The following LPP variants were observed in gnomAD, a reference collection of about 807,000 sequenced individuals.
LPP encodes LIM domain containing preferred translocation partner in lipoma.
LPP carries 38 observed loss-of-function variants against 60.4 expected under a neutral mutation model. The ratio of observed to expected loss-of-function variants is 0.63; its 90% confidence interval spans 0.49 to 0.83. The LOEUF (loss-of-function observed/expected upper bound fraction) is 0.83. Ranked by LOEUF, LPP falls within the 40% of genes least tolerant of loss-of-function variation. LPP has a pLI of 0.00. For missense variants in LPP, 902 were observed against 783.6 expected (o/e 1.15, Z -1.80); for synonymous variants, 328 against 290.8 (o/e 1.13, Z -1.30).
chr3:188,348,834 T>C (rs1447250804), intron 3 of LPP, among the ~76,000 whole-genome samples: 1 of 151,920 alleles, frequency 6.6e-6, no homozygotes, highest in East Asian at 1.9e-4. Context: ...ATGCCTGGCA[T>C]GCTGCCAGCA....
At chr3:188,557,551 C>T (rs1829764045) in intron 6 of LPP, among the ~76,000 whole-genome samples, 1 of 152,092 alleles carries the variant, frequency 6.6e-6, no homozygotes, top group African/African-American at 2.4e-5. Flanking sequence ...ATATTTTCAA[C>T]TCCTTGGTTT....
intron 3 of LPP, among the ~76,000 whole-genome samples, chr3:188,378,291 C>T (rs910516697): frequency 2.6e-5 from 4 of 152,230 alleles, no homozygotes; most frequent in Non-Finnish European, 5.9e-5. Context: ...TTTGTCTGTG[C>T]CCTGCCCCCA....
chr3:188,739,005 A>C (rs1723492365), intron 8 of LPP, among the ~76,000 whole-genome samples: 1 of 152,156 alleles, frequency 6.6e-6, no homozygotes, highest in African/African-American at 2.4e-5. Context: ...GAGTACATAG[A>C]CAAATGACCA....
intron 2 of LPP, among the ~76,000 whole-genome samples, chr3:188,247,931 C>G (rs541944139): frequency 2.0e-4 from 31 of 152,128 alleles, no homozygotes; most frequent in Admixed American, 1.6e-3. Context: ...GGTTTGCAAA[C>G]TTGGCCACAT....
chr3:188,284,528 G>A (rs79087141), intron 2 of LPP, among the ~76,000 whole-genome samples: 4,933 of 151,304 alleles, frequency 0.033, 161 homozygotes, highest in African/African-American at 0.081. Context: ...AGGTAGCTGT[G>A]GTGTTTTGCA....
At chr3:188,292,593 A>C (rs573466997) in intron 2 of LPP, among the ~76,000 whole-genome samples, 1 of 152,354 alleles carries the variant, frequency 6.6e-6, no homozygotes, top group East Asian at 1.9e-4. Flanking sequence ...CTCTTTGGAA[A>C]ATGCCTTTGA....
chr3:188,736,106 T>A (rs1187205018), intron 8 of LPP, among the ~76,000 whole-genome samples: 1 of 152,208 alleles, frequency 6.6e-6, no homozygotes, highest in Non-Finnish European at 1.5e-5. Context: ...ACTGCAAAAC[T>A]TAATGTTTAG....
chr3:188,808,456 A>T (rs1276913268), intron 9 of LPP, among the ~76,000 whole-genome samples: 1 of 152,024 alleles, frequency 6.6e-6, no homozygotes, highest in Non-Finnish European at 1.5e-5. Flanking sequence ...ATCACTTCTT[A>T]TTCTTTTCCC....
At chr3:188,172,241 G>C (rs1243517712) in intron 1 of LPP, among the ~76,000 whole-genome samples, 2 of 152,146 alleles carry the variant, frequency 1.3e-5, no homozygotes, top group African/African-American at 2.4e-5. Context: ...GGAAAACTCT[G>C]CTCTAAGTAT....
intron 2 of LPP, among the ~76,000 whole-genome samples, chr3:188,274,740 C>T (rs1327666541): frequency 6.6e-6 from 1 of 152,204 alleles, no homozygotes; most frequent in African/African-American, 2.4e-5. Context: ...TAGGCACAGC[C>T]ACACAAAGAA....
rs1466502882 is a variant in LPP at position 188,876,020 on chromosome 3, A to G, written c.*1541A>G. 1 of 186,072 alleles carries G rather than the reference A, an allele frequency of 5.4e-6. No individual in the cohort carries two copies. The highest frequency in any genetic ancestry group is 1.1e-5 in the Non-Finnish European group (1 of 87,758). 11.5% of individuals were successfully genotyped at this position (186,072 alleles called of 1,614,324 possible). ...AATATAATGAATTCCTATATACCTAATACCCAGTTTAAGACACCAAATATA... is the reference window on the plus strand; with the variant it reads ...AATATAATGAATTCCTATATACCTAGTACCCAGTTTAAGACACCAAATATA... On this transcript the variant is annotated 3_prime_UTR_variant, in exon 12 of 12. Transcript: ENST00000617246.
intron 7 of LPP, among the ~76,000 whole-genome samples, chr3:188,675,924 A>G: frequency 6.6e-6 from 1 of 152,120 alleles, no homozygotes; most frequent in East Asian, 1.9e-4. Flanking sequence ...GACTGCTGCA[A>G]TCCTCTCTCT....
At chr3:188,305,593 A>G (rs1249933047) in intron 2 of LPP, among the ~76,000 whole-genome samples, 2 of 152,164 alleles carry the variant, frequency 1.3e-5, no homozygotes, top group Non-Finnish European at 2.9e-5. Flanking sequence ...CAACACACAC[A>G]CAAACACACA....
intron 4 of LPP, among the ~76,000 whole-genome samples, chr3:188,437,314 C>G (rs950137361): frequency 1.3e-5 from 2 of 152,104 alleles, no homozygotes; most frequent in Non-Finnish European, 2.9e-5. Context: ...CCTTGTGTAT[C>G]CTTCAACAGG....
intron 1 of LPP, among the ~76,000 whole-genome samples, chr3:188,201,376 T>C (rs187347202): frequency 1.3e-5 from 2 of 152,262 alleles, no homozygotes; most frequent in East Asian, 3.9e-4. Context: ...GGTGATTCTC[T>C]TTTGGGGGTA....
intron 2 of LPP, among the ~76,000 whole-genome samples, chr3:188,258,310 C>A (rs771853343): frequency 4.6e-5 from 7 of 152,210 alleles, no homozygotes; most frequent in Non-Finnish European, 8.8e-5. Flanking sequence ...GCATTAAAAT[C>A]ACTTGGGGAG....
intron 7 of LPP, among the ~76,000 whole-genome samples, chr3:188,680,934 A>C (rs535549676): frequency 6.6e-6 from 1 of 151,904 alleles, no homozygotes. Flanking sequence ...AGCTGGGAGC[A>C]TAAGTGAGAA....
At chr3:188,842,922 C>A (rs1225381587) in intron 9 of LPP, among the ~76,000 whole-genome samples, 1 of 152,158 alleles carries the variant, frequency 6.6e-6, no homozygotes, top group South Asian at 2.1e-4. Context: ...GACTTTCTGA[C>A]CTCTATCACC....
At chr3:188,431,798 A>T (rs7649407) in intron 4 of LPP, among the ~76,000 whole-genome samples, 1 of 152,034 alleles carries the variant, frequency 6.6e-6, no homozygotes, top group Non-Finnish European at 1.5e-5. Context: ...GTATGATTCA[A>T]CTACAGATAT....
Sources: allele counts gnomAD v4.1 joint callset (sites outside exome capture counted in the v4.1 genomes callset), GRCh38; gene constraint gnomAD v4.1.1; transcripts MANE v1.5; gene names NCBI Gene and HGNC (gene_info 2026-07-23, HGNC 2026-07-21).